The following FBXL7 variants were observed in gnomAD, a reference collection of about 807,000 sequenced individuals.
The protein encoded by FBXL7 is F-box and leucine rich repeat protein 7, also known as F-box/LRR-repeat protein 7.
In FBXL7, 12 loss-of-function variants were observed where a neutral mutation model predicts 38.3. The observed-to-expected ratio is 0.31, with a 90% CI of 0.20 to 0.51. The LOEUF is 0.51. FBXL7 is among the 20% of genes least tolerant of loss of function. The pLI, the probability that FBXL7 is intolerant of heterozygous loss-of-function variation, is 0.98. For synonymous variants in FBXL7, 297 were observed against 300.9 expected (o/e 0.99, Z 0.13); for missense variants, 567 against 676.4 (o/e 0.84, Z 1.79).
intron 2 of FBXL7, among the ~76,000 whole-genome samples, chr5:15,774,253 C>A (rs1479589321): frequency 6.6e-6 from 1 of 152,118 alleles, no homozygotes; most frequent in African/African-American, 2.4e-5. Flanking sequence ...TTCCTCCCCT[C>A]TAACAAATAC....
At chr5:15,713,165 T>C (rs376499557) in intron 2 of FBXL7, among the ~76,000 whole-genome samples, 1 of 151,576 alleles carries the variant, frequency 6.6e-6, no homozygotes, top group Admixed American at 6.6e-5. Context: ...GCTGGGGAGG[T>C]CTCACAATCA....
At chr5:15,895,633 CTTTT>C (rs903652361) in intron 2 of FBXL7, among the ~76,000 whole-genome samples, 2 of 98,060 alleles carry the variant, frequency 2.0e-5, no homozygotes, top group African/African-American at 4.2e-5. Context: ...CTTTTTCATA[CTTTT>C]TTTTTTTTTT....
chr5:15,721,823 TTTTATTTA>T (rs199590835), intron 2 of FBXL7, among the ~76,000 whole-genome samples: 10 of 151,304 alleles, frequency 6.6e-5, no homozygotes, highest in African/African-American at 2.2e-4. Context: ...ATAAGAATCC[TTTTATTTA>T]TTTATTTATT....
chr5:15,836,417 AAG>A (rs1738594520), intron 2 of FBXL7, among the ~76,000 whole-genome samples: 2 of 152,216 alleles, frequency 1.3e-5, no homozygotes, highest in Admixed American at 1.3e-4. Flanking sequence ...AGATCATGTT[AAG>A]AGAGATTGGG....
chr5:15,697,487 A>G (rs970500898), intron 2 of FBXL7, among the ~76,000 whole-genome samples: 1 of 152,104 alleles, frequency 6.6e-6, no homozygotes, highest in African/African-American at 2.4e-5. Context: ...AAAGCATGAT[A>G]AGATTGAATA....
chr5:15,644,123 A>G (rs1349396082), intron 2 of FBXL7, among the ~76,000 whole-genome samples: 3 of 152,066 alleles, frequency 2.0e-5, no homozygotes, highest in Non-Finnish European at 2.9e-5. Flanking sequence ...GAAAATAGTC[A>G]TATTATTTGT....
At chr5:15,769,936 G>A (rs2126709375) in intron 2 of FBXL7, among the ~76,000 whole-genome samples, 1 of 152,238 alleles carries the variant, frequency 6.6e-6, no homozygotes, top group African/African-American at 2.4e-5. Context: ...TAAATCTGGA[G>A]TTATCTCAAA....
intron 1 of FBXL7, among the ~76,000 whole-genome samples, chr5:15,511,745 T>G (rs1348533659): frequency 6.6e-6 from 1 of 152,166 alleles, no homozygotes; most frequent in East Asian, 1.9e-4. Context: ...GTGAGGAAAC[T>G]GAGGTCTTGG....
intron 1 of FBXL7, among the ~76,000 whole-genome samples, chr5:15,557,128 C>T (rs137923890): frequency 8.5e-5 from 13 of 152,246 alleles, no homozygotes; most frequent in South Asian, 4.2e-4. Flanking sequence ...TTAGTAGAGA[C>T]GGGGTTTCAC....
chr5:15,802,331 T>C (rs907746465), intron 2 of FBXL7, among the ~76,000 whole-genome samples: 4 of 152,108 alleles, frequency 2.6e-5, no homozygotes, highest in Admixed American at 2.6e-4. Flanking sequence ...ATTAAGGTAA[T>C]GTCCATGTTT....
At chr5:15,668,781 A>AG (rs1288585030) in intron 2 of FBXL7, among the ~76,000 whole-genome samples, 1 of 152,236 alleles carries the variant, frequency 6.6e-6, no homozygotes, top group Non-Finnish European at 1.5e-5. Context: ...AGCAGAACTC[A>AG]GTTCTAACTT....
chr5:15,880,129 C>T (rs980846990), intron 2 of FBXL7, among the ~76,000 whole-genome samples: 26 of 152,140 alleles, frequency 1.7e-4, no homozygotes, highest in African/African-American at 5.3e-4. Flanking sequence ...TCTAAAATCA[C>T]GGCTACTATT....
At chr5:15,636,442 G>T (rs1741190868) in intron 2 of FBXL7, among the ~76,000 whole-genome samples, 1 of 151,928 alleles carries the variant, frequency 6.6e-6, no homozygotes. Flanking sequence ...GTAACATCTT[G>T]CCAGTATTTT....
intron 2 of FBXL7, among the ~76,000 whole-genome samples, chr5:15,851,813 T>TACAC (rs35896061): frequency 3.7e-5 from 5 of 133,696 alleles, no homozygotes; most frequent in East Asian, 4.2e-4. Context: ...TGCAAACTAA[T>TACAC]ACACACACAC....
intron 2 of FBXL7, among the ~76,000 whole-genome samples, chr5:15,863,478 A>G (rs1446833886): frequency 1.3e-5 from 2 of 152,202 alleles, no homozygotes; most frequent in Non-Finnish European, 2.9e-5. Flanking sequence ...GTCATAAAAT[A>G]TCTACATGGG....
At chr5:15,583,369 C>T (rs906722137) in intron 1 of FBXL7, among the ~76,000 whole-genome samples, 9 of 152,298 alleles carry the variant, frequency 5.9e-5, no homozygotes, top group African/African-American at 2.2e-4. Flanking sequence ...AAAGTCTTAA[C>T]CCATGTCAGC....
Position 15,939,052 on chromosome 5 carries a change from T to G in FBXL7, c.*1866T>G. ...ACTGCACTCCTACTGTAGGCTCCTGTGCATACTGTCGTCTTCTGTGGGGGA... is the reference window on the plus strand; with the variant it reads ...ACTGCACTCCTACTGTAGGCTCCTGGGCATACTGTCGTCTTCTGTGGGGGA... On this transcript the variant is annotated 3_prime_UTR_variant, in exon 4 of 4. Coordinates refer to ENST00000504595, the MANE Select transcript of FBXL7 (RefSeq NM_012304.5). The G allele has an allele frequency of 2.5e-6, 1 of 399,076 alleles. No homozygotes were observed. The highest frequency in any genetic ancestry group is 4.4e-6 in the Non-Finnish European group (1 of 226,068). 24.7% of individuals were successfully genotyped at this position (399,076 alleles called of 1,614,324 possible). A position where few individuals can be genotyped will look rare whatever the true frequency, so the allele number is the denominator to read the frequency against.
chr5:15,717,655 T>C (rs2126648876), intron 2 of FBXL7, among the ~76,000 whole-genome samples: 1 of 152,288 alleles, frequency 6.6e-6, no homozygotes, highest in East Asian at 1.9e-4. Context: ...GAGCAAATGA[T>C]TATATAAAAA....
chr5:15,837,258 T>G (rs1333226517), intron 2 of FBXL7, among the ~76,000 whole-genome samples: 5 of 152,234 alleles, frequency 3.3e-5, no homozygotes, highest in African/African-American at 1.2e-4. Context: ...AGAATCTTAA[T>G]CCTTTCATAA....
Sources: allele counts gnomAD v4.1 joint callset (sites outside exome capture counted in the v4.1 genomes callset), GRCh38; gene constraint gnomAD v4.1.1; transcripts MANE v1.5; gene names NCBI Gene and HGNC (gene_info 2026-07-23, HGNC 2026-07-21).